LAMA3: variants seen among roughly 807,000 people sequenced by gnomAD.
LAMA3 encodes the protein laminin subunit alpha 3, also known as laminin subunit alpha-3.
In LAMA3, 281 loss-of-function variants were observed where a neutral mutation model predicts 402.0. That is an observed-to-expected ratio of 0.70 (90% CI 0.63 to 0.77). LAMA3 has a LOEUF of 0.77. LAMA3 is among the 30% of genes least tolerant of loss of function. The probability of loss-of-function intolerance (pLI) is 0.00; values close to 1 mark genes in which losing one functional copy is unlikely to be tolerated. For synonymous variants in LAMA3, 1,431 were observed against 1,558.4 expected, an observed-to-expected ratio of 0.92 and a Z score of 1.93; for missense variants, 3,840 against 4,215.5, an observed-to-expected ratio of 0.91 and a Z score of 2.47.
At chr18:23,834,075 G>A in intron 24 of LAMA3, 87 bp downstream of exon 24, 1 of 1,487,218 alleles carries the variant, frequency 6.7e-7, no homozygotes, top group South Asian at 1.1e-5. Flanking sequence ...TGCATTGGGA[G>A]GTTATTTTCT....
intron 69 of LAMA3, among the ~76,000 whole-genome samples, chr18:23,945,082 G>A (rs780210242): frequency 5.9e-5 from 9 of 151,930 alleles, no homozygotes; most frequent in African/African-American, 1.2e-4. Flanking sequence ...GCAGTGAGCC[G>A]AGATCACACC....
rs565229083 is a variant in LAMA3 at position 23,799,621 on chromosome 18, C to T, written c.1604-10745C>T. 1.0e-3 allele frequency among the ~76,000 whole-genome samples: 155 copies of T among 152,252 alleles called. 1 individual carries two copies. The highest frequency in any genetic ancestry group is 3.6e-3 in the African/African-American group (151 of 41,528). ...CGCTCCAGGCAGCTACCCTAATGCC[C>T]GCATGGATGTTTTCCTCTGCATTGA... On this transcript the variant is annotated intron_variant, in intron 12 of 74. Transcript: ENST00000313654.
Position 23,864,799 on chromosome 18 carries a change from T to C in LAMA3, c.4599T>C (p.Gly1533=), listed in dbSNP as rs2064312435. The C allele has an allele frequency of 2.5e-6, 4 of 1,610,730 alleles. No homozygotes were observed. Among genetic ancestry groups the C allele is most frequent in the South Asian group, 2.2e-5 (2 of 91,004 alleles). The part of the protein sequence containing the change: ...SYLGDKVSSY[G]GYLTYQAKSF... ...TTCCATTTTAGGTTTCTTCATATGG[T>C]GGTTACCTCACTTACCAAGCCAAGT... Residue 1533 remains glycine (G), a synonymous_variant, in exon 36 of 75, where the codon GGT becomes GGC. Transcript: ENST00000313654.
At position 23,846,517 on chromosome 18, in the gene LAMA3, A is replaced by G. The variant is rs759984994; in HGVS notation, c.3931+9A>G. The G allele has an allele frequency of 1.8e-5, 29 of 1,601,264 alleles. No individual in the cohort carries two copies. The highest frequency in any genetic ancestry group is 2.4e-5 in the Non-Finnish European group (28 of 1,178,852). On this transcript the variant is annotated intron_variant, in intron 31 of 74. Coordinates refer to ENST00000313654, the MANE Select transcript of LAMA3 (RefSeq NM_198129.4). Reference sequence around the variant, plus strand: ...ATTCCCACGCTGCAAGCGTAAGTGCACGTTTCCCATCACCCAAGTTCTGCT... The same window carrying G: ...ATTCCCACGCTGCAAGCGTAAGTGCGCGTTTCCCATCACCCAAGTTCTGCT...
chr18:23,919,826 C>T (rs1043373951), intron 60 of LAMA3, among the ~76,000 whole-genome samples: 2 of 151,438 alleles, frequency 1.3e-5, no homozygotes, highest in Non-Finnish European at 2.9e-5. Context: ...GTCACAGGCT[C>T]CCACTGGCAT....
intron 23 of LAMA3, among the ~76,000 whole-genome samples, chr18:23,828,098 A>G (rs1453864828): frequency 1.3e-5 from 2 of 152,118 alleles, no homozygotes; most frequent in Non-Finnish European, 2.9e-5. Context: ...AATACACAAC[A>G]CTTCAAAATG....
At position 23,839,777 on chromosome 18, in the gene LAMA3, T is replaced by C; in HGVS notation, c.3192-8T>C. 6.2e-7 allele frequency: 1 copy of C among 1,614,076 alleles called. No homozygotes were observed. Among genetic ancestry groups the C allele is most frequent in the Non-Finnish European group, 8.5e-7 (1 of 1,179,904 alleles). ...AAAAATCAGATTTTTAAATATTCTATTTTTCAGTGCCACCTGTGTCTCCTT... is the reference window on the plus strand; with the variant it reads ...AAAAATCAGATTTTTAAATATTCTACTTTTCAGTGCCACCTGTGTCTCCTT... On this transcript the variant is annotated splice_region_variant and splice_polypyrimidine_tract_variant and intron_variant, in intron 26 of 74. Coordinates refer to ENST00000313654, the MANE Select transcript of LAMA3 (RefSeq NM_198129.4). This position sits in a 1 kb window ranked among gnomAD's most constrained non-coding sequence, Gnocchi z 4.5.
At position 23,689,740 on chromosome 18, in the gene LAMA3, G is replaced by C. The variant is rs61752345; in HGVS notation, c.57G>C (p.Thr19=). ...GRALGPVLPP[T]PLLLLVLRVL... ...CACTGGGGCCAGTACTGCCGCCGAC[G>C]CCGCTGCTCCTGCTGGTACTGCGGG... Residue 19 remains threonine (T), a synonymous_variant, in exon 1 of 75, where the codon ACG becomes ACC. Transcript: ENST00000313654. 27,199 of 1,494,962 alleles carry C rather than the reference G, an allele frequency of 0.018. 372 individuals are homozygous for C. Among genetic ancestry groups the C allele is most frequent in the Non-Finnish European group, 0.02 (22,564 of 1,125,968 alleles). The allele number at this position is 1,494,962 out of a possible 1,614,324, so 92.6% of individuals were successfully genotyped here.
chr18:23,877,182 A>G (rs1362148703), intron 39 of LAMA3, among the ~76,000 whole-genome samples: 1 of 152,180 alleles, frequency 6.6e-6, no homozygotes, highest in African/African-American at 2.4e-5. Flanking sequence ...CGTCCTCACA[A>G]CATCCACCGC....
At chr18:23,920,902 C>T (rs1568346527) in intron 60 of LAMA3, 33 bp from the exon 61 acceptor site, 4 of 1,613,146 alleles carry the variant, frequency 2.5e-6, no homozygotes, top group East Asian at 2.2e-5. Context: ...TCAGCCAAGC[C>T]TTCTGGTCAT....
chr18:23,709,769 T>G (rs1054501584), intron 1 of LAMA3: 7 of 582,436 alleles, frequency 1.2e-5, no homozygotes, highest in Non-Finnish European at 2.3e-5. Flanking sequence ...TTTGATTGTC[T>G]TTTCTTTCTT....
chr18:23,820,246 A>T (rs1034741095), intron 19 of LAMA3, among the ~76,000 whole-genome samples: 3 of 152,234 alleles, frequency 2.0e-5, no homozygotes, highest in African/African-American at 7.2e-5. Context: ...CAAATCAGAA[A>T]ATTAAGAGAT....
intron 24 of LAMA3, chr18:23,834,300 T>C: frequency 5.4e-6 from 2 of 371,484 alleles, no homozygotes; most frequent in South Asian, 4.4e-5. Flanking sequence ...TGCAATGAAC[T>C]CACTGCTCTC....
intron 2 of LAMA3, among the ~76,000 whole-genome samples, chr18:23,716,359 A>G (rs1395329626): frequency 1.3e-5 from 2 of 152,116 alleles, no homozygotes; most frequent in African/African-American, 4.8e-5. Context: ...GGGTTTCACC[A>G]TGTTGCCCAG....
At position 23,833,901 on chromosome 18, in the gene LAMA3, C is replaced by T. The variant is rs371271033; in HGVS notation, c.2897C>T (p.Ala966Val). Residue 966 changes from alanine to valine, a missense_variant, in exon 24 of 75, where the codon GCA becomes GTA. Transcript: ENST00000313654. ...YVVVVEYSTE[A>V]AQLFVVDVNV... is the part of the protein sequence containing the mutation. Reference sequence around the variant, plus strand: ...GTTGTGGTCGAGTATTCCACGGAGGCAGCTCAGCTGTTTGTGGTTGATGTG... The same window carrying T: ...GTTGTGGTCGAGTATTCCACGGAGGTAGCTCAGCTGTTTGTGGTTGATGTG... 3.2e-5 allele frequency: 52 copies of T among 1,613,992 alleles called. No individual in the cohort carries two copies. The highest frequency in any genetic ancestry group is 4.1e-5 in the Non-Finnish European group (48 of 1,180,044).
rs555210399 is a variant in LAMA3 at position 23,892,830 on chromosome 18, G to C, written c.5411-1468G>C. On this transcript the variant is annotated intron_variant, in intron 42 of 74. Transcript: ENST00000313654. ...AGGCAGGAGAATCGCTTGAACCCAG[G>C]AGGCAGAGGTTGCAGTGAGCTGAGA... Among the ~76,000 whole-genome samples the C allele has an allele frequency of 2.1e-3, 321 of 149,520 alleles. 2 individuals are homozygous for C. Among genetic ancestry groups the C allele is most frequent in the African/African-American group, 7.4e-3 (299 of 40,316 alleles).
chr18:23,780,590 G>A (rs953913744), intron 11 of LAMA3, among the ~76,000 whole-genome samples: 24 of 152,128 alleles, frequency 1.6e-4, no homozygotes, highest in African/African-American at 5.1e-4. Context: ...AGACCTGAGC[G>A]GGCAGCCAGC....
chr18:23,821,187 A>G (rs1282901183), intron 19 of LAMA3, among the ~76,000 whole-genome samples: 3 of 152,206 alleles, frequency 2.0e-5, no homozygotes, highest in African/African-American at 7.2e-5. Context: ...TTTTCTGATA[A>G]AGTTATTTTG....
At chr18:23,932,088 T>G in intron 65 of LAMA3, 72 bp from the exon 66 acceptor site, 1 of 1,558,370 alleles carries the variant, frequency 6.4e-7, no homozygotes, top group Non-Finnish European at 8.8e-7. Flanking sequence ...TCTTAGACAG[T>G]GAGTTGGCCA....
Sources: allele counts gnomAD v4.1 joint callset (sites outside exome capture counted in the v4.1 genomes callset), GRCh38; gene constraint gnomAD v4.1.1; non-coding constraint Gnocchi (gnomAD v3.1); transcripts MANE v1.5; gene names NCBI Gene and HGNC (gene_info 2026-07-23, HGNC 2026-07-21).